Variants in PSMD11 observed in about 807,000 individuals in gnomAD.
The protein encoded by PSMD11 is 26S proteasome non-ATPase regulatory subunit 11.
Under a neutral mutation model 62.3 loss-of-function variants are expected in PSMD11, and 5 were observed. That is an observed-to-expected ratio of 0.08 (90% CI 0.04 to 0.17). PSMD11 has a LOEUF of 0.17. Among genes scored for constraint, PSMD11 ranks in the 10% least tolerant of loss-of-function variants. The pLI is 1.00. For synonymous variants in PSMD11, 191 were observed against 191.8 expected (o/e 1.00, Z 0.03); for missense variants, 310 against 512.9 (o/e 0.60, Z 3.82).
At chr17:32,448,355 CT>C (rs891283299) in intron 2 of PSMD11, among the ~76,000 whole-genome samples, 1,470 of 145,268 alleles carry the variant, frequency 0.01, 19 homozygotes, top group African/African-American at 0.032. Context: ...GTGCTATGAA[CT>C]TTTTTTTTTT....
Position 32,480,151 on chromosome 17 carries a change from C to A in PSMD11, c.1080C>A (p.Asp360Glu), listed in dbSNP as rs200240721. ...ATCATGTGCTTTGATTTTAGGCCGA[C>A]GTGGAAAGGAAATTATCACAGATGA... ...ISSLIKLSKA[D>E]VERKLSQMIL... The change falls in exon 12 of 14, where the codon GAC becomes GAA. Residue 360 changes from aspartate to glutamate, a missense_variant. Transcript: ENST00000261712. 3 of 1,613,468 alleles carry A rather than the reference C, an allele frequency of 1.9e-6. No individual in the cohort carries two copies. The Admixed American group carries it at 5.0e-5, about 27-fold the overall frequency.
intron 3 of PSMD11, among the ~76,000 whole-genome samples, chr17:32,457,837 G>C (rs1203787481): frequency 6.9e-6 from 1 of 145,846 alleles, no homozygotes; most frequent in Non-Finnish European, 1.5e-5. Context: ...GTCTTGCTCT[G>C]TCACCCAGGC....
chr17:32,474,570 G>A (rs1410801835), intron 7 of PSMD11, among the ~76,000 whole-genome samples, 194 bp from the exon 8 acceptor site: 1 of 152,098 alleles, frequency 6.6e-6, no homozygotes, highest in African/African-American at 2.4e-5. Context: ...TACTCTTCAG[G>A]CTGAGCTGTG....
chr17:32,469,184 A>G lies in PSMD11; in HGVS notation c.634A>G (p.Met212Val), dbSNP rs2150836633. The change falls in exon 6 of 14, where the codon ATG becomes GTG. Residue 212 changes from methionine (M) to valine (V), a missense_variant. Around this residue, in one of 6 missense-constraint regions of PSMD11, gnomAD observed 47 missense variants for 117.7 expected, o/e 0.40. Coordinates refer to ENST00000261712, the MANE Select transcript of PSMD11 (RefSeq NM_002815.4). ...CCCTAAATTGCAGGCCACCTTGGAC[A>G]TGCAGTCGGGTAACAGACGTAGCTA... ...CPPKLQATLD[M>V]QSGIIHAAEE... 3 of 1,613,528 alleles carry G rather than the reference A, an allele frequency of 1.9e-6. No homozygotes were observed. The highest frequency in any genetic ancestry group is 1.7e-6 in the Non-Finnish European group (2 of 1,179,716).
intron 2 of PSMD11, among the ~76,000 whole-genome samples, chr17:32,452,233 A>G (rs568024106): frequency 6.6e-6 from 1 of 152,358 alleles, no homozygotes; most frequent in South Asian, 2.1e-4. Context: ...CTTCACAGAA[A>G]AAGTTTGCCA....
intron 2 of PSMD11, among the ~76,000 whole-genome samples, chr17:32,452,386 G>A (rs1027004606): frequency 4.6e-5 from 7 of 152,134 alleles, no homozygotes; most frequent in African/African-American, 1.4e-4. Flanking sequence ...GTTAATAAAT[G>A]GATCATTTGT....
rs774564139 is a variant in PSMD11 at position 32,464,165 on chromosome 17, CAG to C, written c.390+48_390+49del. The stretch of plus-strand genomic sequence containing the variant: ...TCATTTCAGGTCTCTAAGCATGAGA[CAG>C]AGGGTGAATGTAAGCAGTACCATCC... On this transcript the variant is annotated intron_variant, in intron 4 of 13. Transcript: ENST00000261712. The C allele has an allele frequency of 1.2e-5, 19 of 1,526,962 alleles. 1 individual carries two copies. The highest frequency in any genetic ancestry group is 3.4e-4 in the Middle Eastern group (2 of 5,938). The allele number at this position is 1,526,962 out of a possible 1,614,324, so 94.6% of individuals were successfully genotyped here. A position where few individuals can be genotyped will look rare whatever the true frequency, so the allele number is the denominator to read the frequency against.
chr17:32,476,971 C>G (rs1192186843), intron 8 of PSMD11: 1 of 152,390 alleles, frequency 6.6e-6, no homozygotes, highest in Admixed American at 6.5e-5. Flanking sequence ...AGGCTGGTCT[C>G]GAACTCCTGA....
rs768088433 is a variant in PSMD11, at chr17:32,464,134, T to G, written c.390+14T>G. The G allele has an allele frequency of 6.2e-7, 1 of 1,603,942 alleles. No homozygotes were observed. Among genetic ancestry groups the G allele is most frequent in the Admixed American group, 1.7e-5 (1 of 59,998 alleles). On this transcript the variant is annotated intron_variant, in intron 4 of 13. Coordinates refer to ENST00000261712, the MANE Select transcript of PSMD11 (RefSeq NM_002815.4). ...CAAGCTTTGGAGGTAGGTTTTACAT[T>G]AGTACTCATTTCAGGTCTCTAAGCA...
Position 32,444,535 on chromosome 17 carries a change from G to A in PSMD11, c.12G>A (p.Ala4=), listed in dbSNP as rs781027190. 1 of 1,603,268 alleles carries A rather than the reference G, an allele frequency of 6.2e-7. No individual in the cohort carries two copies. Among genetic ancestry groups the A allele is most frequent in the Non-Finnish European group, 8.5e-7 (1 of 1,175,422 alleles). The change falls in exon 1 of 14, where the codon GCG becomes GCA. Residue 4 remains alanine (A), a synonymous_variant. Transcript: ENST00000261712. MAA[A]AVVEFQRAQS... ...GTGAGAGCGGTAAGATGGCGGCGGC[G>A]GCGGTGGTGGAGTTCCAGAGAGCCC...
intron 8 of PSMD11, 83 bp downstream of exon 8, chr17:32,474,907 C>T: frequency 8.5e-7 from 1 of 1,180,802 alleles, no homozygotes; most frequent in Non-Finnish European, 1.3e-6. Flanking sequence ...GACCAGCACT[C>T]TTCAGATCTT....
intron 3 of PSMD11, among the ~76,000 whole-genome samples, chr17:32,455,795 TAA>T (rs896803265): frequency 6.6e-6 from 1 of 152,178 alleles, no homozygotes; most frequent in African/African-American, 2.4e-5. Context: ...ATGAAAAAAT[TAA>T]AAGTTATTTA....
chr17:32,476,106 A>G (rs1179661448), intron 8 of PSMD11, among the ~76,000 whole-genome samples: 1 of 152,004 alleles, frequency 6.6e-6, no homozygotes, highest in Non-Finnish European at 1.5e-5. Flanking sequence ...TCTATTAAAA[A>G]TACAAAAATT....
chr17:32,448,874 A>G (rs749804798), intron 2 of PSMD11, among the ~76,000 whole-genome samples: 4 of 152,198 alleles, frequency 2.6e-5, no homozygotes, highest in Non-Finnish European at 5.9e-5. Context: ...ATATAGCCAC[A>G]TGACATCATG....
chr17:32,452,292 G>T (rs1442880381), intron 2 of PSMD11, among the ~76,000 whole-genome samples: 1 of 152,110 alleles, frequency 6.6e-6, no homozygotes, highest in Non-Finnish European at 1.5e-5. Flanking sequence ...ATGTAAGCAG[G>T]GTAGTTGAAC....
Position 32,481,738 on chromosome 17 carries a change from T to G in PSMD11, c.*986T>G, listed in dbSNP as rs1908500182. The G allele has an allele frequency of 1.3e-5, 2 of 152,118 alleles. No individual in the cohort carries two copies. Among genetic ancestry groups the G allele is most frequent in the African/African-American group, 4.8e-5 (2 of 41,416 alleles). 9.4% of individuals were successfully genotyped at this position (152,118 alleles called of 1,614,324 possible). A position where few individuals can be genotyped will look rare whatever the true frequency, so the allele number is the denominator to read the frequency against. ...CCTCTCCCACTCCTCCTCTCCTACT[T>G]TCAGATGGATTTATTCCTTTTTTAA... On this transcript the variant is annotated 3_prime_UTR_variant, in exon 14 of 14. Transcript: ENST00000261712.
At chr17:32,470,571 G>C (rs573540101) in intron 6 of PSMD11, among the ~76,000 whole-genome samples, 8 of 152,360 alleles carry the variant, frequency 5.3e-5, no homozygotes, top group Admixed American at 2.6e-4. Context: ...ATAGGCATGA[G>C]CCACTGTGCC....
chr17:32,451,665 A>G (rs1907503228), intron 2 of PSMD11, among the ~76,000 whole-genome samples: 1 of 152,164 alleles, frequency 6.6e-6, no homozygotes, highest in African/African-American at 2.4e-5. Context: ...TGATAAGGAG[A>G]TAGTAATCTC....
intron 8 of PSMD11, 191 bp from the exon 9 acceptor site, chr17:32,477,330 G>A: frequency 2.4e-6 from 1 of 423,378 alleles, no homozygotes; most frequent in Non-Finnish European, 4.2e-6. Flanking sequence ...GGTTTCAAAG[G>A]GAAACAGGTT....
Sources: allele counts gnomAD v4.1 joint callset (sites outside exome capture counted in the v4.1 genomes callset), GRCh38; gene constraint gnomAD v4.1.1; regional missense constraint gnomAD v4.1.1; transcripts MANE v1.5; gene names NCBI Gene and HGNC (gene_info 2026-07-23, HGNC 2026-07-21).